Variants in TMEM51 observed in about 807,000 individuals in gnomAD.
TMEM51 encodes transmembrane protein 51.
TMEM51 carries 8 observed loss-of-function variants against 13.6 expected under a neutral mutation model. That is an observed-to-expected ratio of 0.59 (90% CI 0.35 to 1.07). TMEM51 has a LOEUF of 1.07. Ranked by LOEUF, TMEM51 falls within the 50% of genes least tolerant of loss-of-function variation. The pLI is 0.02. For missense variants in TMEM51, 279 were observed against 330.7 expected, an observed-to-expected ratio of 0.84 and a Z score of 1.21; for synonymous variants, 147 against 144.4, an observed-to-expected ratio of 1.02 and a Z score of -0.13.
intron 1 of TMEM51, among the ~76,000 whole-genome samples, chr1:15,169,605 C>T (rs1222029246): frequency 6.6e-6 from 1 of 152,126 alleles, no homozygotes; most frequent in Non-Finnish European, 1.5e-5. Context: ...ATTTCAGCAA[C>T]CTGATTAAAA....
intron 1 of TMEM51, among the ~76,000 whole-genome samples, chr1:15,189,939 C>T (rs1190434713): frequency 6.6e-6 from 1 of 152,230 alleles, no homozygotes; most frequent in African/African-American, 2.4e-5. Context: ...CCCCTGTCTT[C>T]CAAGGCAGGT....
At chr1:15,196,178 A>T (rs191820412) in intron 1 of TMEM51, among the ~76,000 whole-genome samples, 8 of 152,140 alleles carry the variant, frequency 5.3e-5, no homozygotes, top group African/African-American at 1.9e-4. Context: ...AGCCTCACCC[A>T]CGGGCCCTGT....
At chr1:15,157,631 G>A (rs912834011) in intron 1 of TMEM51, among the ~76,000 whole-genome samples, 3 of 152,212 alleles carry the variant, frequency 2.0e-5, no homozygotes, top group Admixed American at 6.5e-5. Context: ...ATGGTCAGGA[G>A]GAGTAAGGGC....
intron 1 of TMEM51, among the ~76,000 whole-genome samples, chr1:15,172,486 A>G (rs566923756): frequency 6.6e-6 from 1 of 151,802 alleles, no homozygotes; most frequent in Non-Finnish European, 1.5e-5. Flanking sequence ...AAAAAGAAAG[A>G]GAAGAAGGAG....
At chr1:15,168,658 T>C (rs1643120027) in intron 1 of TMEM51, 1 of 1,304,294 alleles carries the variant, frequency 7.7e-7, no homozygotes, top group African/African-American at 1.5e-5. Context: ...ACTCACTGCA[T>C]CTGAGGAAGT....
chr1:15,155,152 C>T (rs1018914877), intron 1 of TMEM51, among the ~76,000 whole-genome samples: 1 of 152,232 alleles, frequency 6.6e-6, no homozygotes, highest in African/African-American at 2.4e-5. Flanking sequence ...AGAGGTACCC[C>T]CAGACTGGGA....
At chr1:15,184,046 G>A (rs925798140) in intron 1 of TMEM51, among the ~76,000 whole-genome samples, 7 of 151,356 alleles carry the variant, frequency 4.6e-5, no homozygotes, top group East Asian at 1.9e-4. Flanking sequence ...CCTTCCTTCC[G>A]CCTTTCTTTT....
intron 1 of TMEM51, among the ~76,000 whole-genome samples, chr1:15,209,966 G>C (rs1644312643): frequency 6.6e-6 from 1 of 152,130 alleles, no homozygotes; most frequent in African/African-American, 2.4e-5. Flanking sequence ...AGGAGGCGGA[G>C]GTTGCAGTGA....
Position 15,175,387 on chromosome 1 carries a change from C to T in TMEM51, c.-267+21433C>T, listed in dbSNP as rs139154405. ...TGCACTCCAGTCTGGGCAATAAGAG[C>T]GAAACTCCATCTCAACAAATAAATA... On this transcript the variant is annotated intron_variant, in intron 1 of 3. Transcript: ENST00000376008. Among the ~76,000 whole-genome samples, 906 of 152,100 alleles carry T rather than the reference C, an allele frequency of 6.0e-3. 4 individuals are homozygous for T. The highest frequency in any genetic ancestry group is 0.021 in the African/African-American group (870 of 41,508).
At chr1:15,176,493 G>A (rs61780604) in intron 1 of TMEM51, among the ~76,000 whole-genome samples, 2 of 152,196 alleles carry the variant, frequency 1.3e-5, no homozygotes, top group African/African-American at 4.8e-5. Flanking sequence ...AACCGGATGT[G>A]GAAGGAGAGG....
intron 1 of TMEM51, among the ~76,000 whole-genome samples, chr1:15,179,803 C>G (rs1643559465): frequency 2.0e-5 from 3 of 152,082 alleles, no homozygotes; most frequent in Admixed American, 6.6e-5. Flanking sequence ...CAAACAAATG[C>G]AAAACCTTCT....
chr1:15,170,310 G>A (rs1199582348), intron 1 of TMEM51, among the ~76,000 whole-genome samples: 3 of 151,612 alleles, frequency 2.0e-5, no homozygotes, highest in African/African-American at 7.3e-5. Context: ...CTCTGCTGCA[G>A]GGCAAGGTAA....
chr1:15,189,089 G>A (rs1183336202), intron 1 of TMEM51, among the ~76,000 whole-genome samples: 2 of 152,070 alleles, frequency 1.3e-5, no homozygotes, highest in Admixed American at 1.3e-4. Context: ...TGCCCAGGCG[G>A]GAATACAGTG....
chr1:15,161,485 A>G lies in TMEM51; in HGVS notation c.-267+7531A>G, dbSNP rs920431606. Among the ~76,000 whole-genome samples the G allele has an allele frequency of 6.6e-6, 1 of 151,242 alleles. No individual in the cohort carries two copies. Among genetic ancestry groups the G allele is most frequent in the Non-Finnish European group, 1.5e-5 (1 of 67,912 alleles). On this transcript the variant is annotated intron_variant, in intron 1 of 3. Coordinates refer to ENST00000376008, the MANE Select transcript of TMEM51 (RefSeq NM_001136218.2). The surrounding 1 kb of genome is among the most constrained non-coding windows in gnomAD (Gnocchi z 4.0). Reference sequence around the variant, plus strand: ...GTGCCACTGAACTCCAGCCTGGGCAACAGAGTGAGACTCATCTCAAAAAAA... The same window carrying G: ...GTGCCACTGAACTCCAGCCTGGGCAGCAGAGTGAGACTCATCTCAAAAAAA...
At chr1:15,204,493 T>C (rs2100324284) in intron 1 of TMEM51, among the ~76,000 whole-genome samples, 1 of 152,312 alleles carries the variant, frequency 6.6e-6, no homozygotes, top group South Asian at 2.1e-4. Context: ...AGGCAGAGGT[T>C]GCAGTGAGCC....
At chr1:15,183,650 G>A (rs1643684836) in intron 1 of TMEM51, among the ~76,000 whole-genome samples, 1 of 152,176 alleles carries the variant, frequency 6.6e-6, no homozygotes, top group South Asian at 2.1e-4. Context: ...TGTGTGTTTG[G>A]TGCCATCTGC....
intron 1 of TMEM51, among the ~76,000 whole-genome samples, chr1:15,202,718 A>C (rs1354082310): frequency 1.3e-5 from 2 of 152,138 alleles, no homozygotes; most frequent in African/African-American, 4.8e-5. Context: ...TCCCCATCTC[A>C]AGATTCTTAA....
Position 15,161,594 on chromosome 1 carries a change from C to A in TMEM51, c.-267+7640C>A, listed in dbSNP as rs1417680658. The stretch of plus-strand genomic sequence containing the variant: ...CTTCTGGGTGCATACTTGTCTTAGT[C>A]CATTTGTGTTGCTGTAAAGAAATAC... On this transcript the variant is annotated intron_variant, in intron 1 of 3. Coordinates refer to ENST00000376008, the MANE Select transcript of TMEM51 (RefSeq NM_001136218.2). This position sits in a 1 kb window ranked among gnomAD's most constrained non-coding sequence, Gnocchi z 4.0. Among the ~76,000 whole-genome samples, 3 of 151,980 alleles carry A rather than the reference C, an allele frequency of 2.0e-5. No individual in the cohort carries two copies. The highest frequency in any genetic ancestry group is 2.1e-4 in the South Asian group (1 of 4,820).
At chr1:15,200,358 TG>T (rs1644129617) in intron 1 of TMEM51, among the ~76,000 whole-genome samples, 1 of 133,592 alleles carries the variant, frequency 7.5e-6, no homozygotes. Flanking sequence ...CAGTGAACTG[TG>T]ATCATGCCAC....
Sources: gnomAD v4.1 joint callset for allele counts (sites outside exome capture counted in the v4.1 genomes callset) on GRCh38, gnomAD v4.1.1 for gene constraint, Gnocchi (gnomAD v3.1) non-coding constraint, MANE v1.5 for transcripts, NCBI Gene and HGNC (gene_info 2026-07-23, HGNC 2026-07-21) for gene names.